NEK8: variants seen among roughly 807,000 people sequenced by gnomAD.
NEK8 encodes the protein serine/threonine-protein kinase Nek8.
NEK8 carries 51 observed loss-of-function variants against 77.2 expected under a neutral mutation model. The observed-to-expected ratio is 0.66, with a 90% CI of 0.53 to 0.83. NEK8 has a LOEUF of 0.83. Ranked by LOEUF, NEK8 falls within the 40% of genes least tolerant of loss-of-function variation. NEK8 has a pLI of 0.00. For missense variants in NEK8, 787 were observed against 909.2 expected (o/e 0.87, Z 1.73); for synonymous variants, 365 against 363.2 (o/e 1.00, Z -0.06).
In NEK8 at chr17:28,741,249, C is replaced by A; in HGVS notation, c.1891+13C>A. The stretch of plus-strand genomic sequence containing the variant: ...GCTATTGGGGCAGGTGAGGACTGAG[C>A]ATGGTGGGGGCAGACAGTGCCATGA... On this transcript the variant is annotated intron_variant, in intron 13 of 14. Transcript: ENST00000268766. The surrounding 1 kb of genome is among the most constrained non-coding windows in gnomAD (Gnocchi z 4.5). 2 of 1,598,518 alleles carry A rather than the reference C, an allele frequency of 1.3e-6. No individual in the cohort carries two copies. Among genetic ancestry groups the A allele is most frequent in the South Asian group, 1.1e-5 (1 of 88,912 alleles).
rs923318376 is a variant in NEK8 at position 28,737,034 on chromosome 17, T to C, written c.619-272T>C. Reference sequence around the variant, plus strand: ...ACCATTTATTAAATAGGGAATCCTTTCCCCATTTCTTGTTTTTCTCAGGTT... The same window carrying C: ...ACCATTTATTAAATAGGGAATCCTTCCCCCATTTCTTGTTTTTCTCAGGTT... On this transcript the variant is annotated intron_variant, in intron 4 of 14. Transcript: ENST00000268766. This position sits in a 1 kb window ranked among gnomAD's most constrained non-coding sequence, Gnocchi z 4.8. Among the ~76,000 whole-genome samples the C allele has an allele frequency of 2.1e-5, 3 of 140,808 alleles. No homozygotes were observed. Among genetic ancestry groups the C allele is most frequent in the Non-Finnish European group, 3.2e-5 (2 of 63,134 alleles). 92.4% of individuals were successfully genotyped at this position (140,808 alleles called of 152,430 possible).
Position 28,738,220 on chromosome 17 carries a change from G to A in NEK8, c.1197G>A (p.Gly399=), listed in dbSNP as rs750419550. The change falls in exon 8 of 15, where the codon GGG becomes GGA. Residue 399 remains glycine (G), a synonymous_variant. Transcript: ENST00000268766. ...SGVTIKHVAC[G]DFFTACLTDR... is the part of the protein sequence containing the mutation. ...TGACCATCAAGCACGTGGCCTGTGG[G>A]GACTTCTTCACTGCCTGCCTGACTG... is the stretch of plus-strand genomic sequence containing the variant. The A allele has an allele frequency of 4.3e-6, 7 of 1,614,038 alleles. No homozygotes were observed. The Admixed American group carries it at 8.3e-5, about 19-fold the overall frequency.
chr17:28,732,535 T>TTTTTC (rs1356288809), intron 1 of NEK8, among the ~76,000 whole-genome samples: 2 of 150,976 alleles, frequency 1.3e-5, no homozygotes, highest in African/African-American at 2.4e-5. Flanking sequence ...GCGATTTTCT[T>TTTTTC]TTTTCTTTTC....
chr17:28,741,458 G>C lies in NEK8; in HGVS notation c.1937G>C (p.Gly646Ala), dbSNP rs1364666372. 2 of 1,614,054 alleles carry C rather than the reference G, an allele frequency of 1.2e-6. No individual in the cohort carries two copies. The highest frequency in any genetic ancestry group is 1.7e-6 in the Non-Finnish European group (2 of 1,180,038). ...SWGKGARGRL[G>A]RRDEDAGLPR... Reference sequence around the variant, plus strand: ...GGCAAAGGGGCGCGAGGTCGATTGGGAAGGAGGGATGAGGATGCCGGACTC... The same window carrying C: ...GGCAAAGGGGCGCGAGGTCGATTGGCAAGGAGGGATGAGGATGCCGGACTC... The change falls in exon 14 of 15, where the codon GGA (glycine) becomes GCA (alanine). Residue 646 changes from glycine to alanine, a missense_variant. Gly to Ala is a moderately conservative substitution (Grantham distance 60). Transcript: ENST00000268766. The surrounding 1 kb of genome is among the most constrained non-coding windows in gnomAD (Gnocchi z 4.5).
Position 28,734,864 on chromosome 17 carries a change from C to G in NEK8, c.346C>G (p.Leu116Val), listed in dbSNP as rs1412304136. ...LHFFVQILLA[L>V]HHVHTHLILH... ...CTTCTTCGTGCAGATCCTGCTTGCA[C>G]TGCATCATGTGCACACCCACCTCAT... Residue 116 changes from leucine (L) to valine (V), a missense_variant, in exon 3 of 15, where the codon CTG becomes GTG. Coordinates refer to ENST00000268766, the MANE Select transcript of NEK8 (RefSeq NM_178170.3). 1.2e-6 allele frequency: 2 copies of G among 1,613,748 alleles called. No homozygotes were observed. Among genetic ancestry groups the G allele is most frequent in the Non-Finnish European group, 1.7e-6 (2 of 1,179,976 alleles).
chr17:28,728,914 C>G (rs2034277418), intron 1 of NEK8, 54 bp downstream of exon 1: 3 of 1,470,466 alleles, frequency 2.0e-6, no homozygotes, highest in Non-Finnish European at 2.8e-6. Context: ...AAATAAGCCC[C>G]AATTCCGCCC....
In NEK8 at chr17:28,741,602, C is replaced by A; in HGVS notation, c.2050+31C>A. The A allele has an allele frequency of 6.2e-7, 1 of 1,612,648 alleles. No homozygotes were observed. ...TTGTAACTTTTCCCACTTCACCACA[C>A]AGCCCAGCTGGCCCCTGTCCACACT... On this transcript the variant is annotated intron_variant, in intron 14 of 14. Coordinates refer to ENST00000268766, the MANE Select transcript of NEK8 (RefSeq NM_178170.3). The surrounding 1 kb of genome is among the most constrained non-coding windows in gnomAD (Gnocchi z 4.5).
At chr17:28,739,639 G>A (rs565575957) in intron 10 of NEK8, among the ~76,000 whole-genome samples, 144 of 152,258 alleles carry the variant, frequency 9.5e-4, no homozygotes, top group Non-Finnish European at 1.6e-3. Context: ...AGTAGAGACA[G>A]GGTTTCACCA....
intron 1 of NEK8, among the ~76,000 whole-genome samples, chr17:28,731,314 C>A (rs1210521671): frequency 6.6e-6 from 1 of 151,948 alleles, no homozygotes; most frequent in African/African-American, 2.4e-5. Flanking sequence ...CCGAGGCGGG[C>A]AGGTCACGAG....
In NEK8 at chr17:28,741,882, G is replaced by T. The variant is rs974607947; in HGVS notation, c.2051-77G>T. ...CAGGGTCCAGAATCCAGGGCCCAGT[G>T]GGAGTGGGAGGTGGGTGATGATTTC... On this transcript the variant is annotated intron_variant, in intron 14 of 14. Transcript: ENST00000268766. This position sits in a 1 kb window ranked among gnomAD's most constrained non-coding sequence, Gnocchi z 4.5. 2.0e-6 allele frequency: 3 copies of T among 1,464,794 alleles called. No homozygotes were observed. In the African/African-American group the frequency reaches 4.2e-5, roughly 20 times the overall value. The allele number at this position is 1,464,794 out of a possible 1,614,324, so 90.7% of individuals were successfully genotyped here.
chr17:28,731,509 C>G (rs755692396), intron 1 of NEK8, among the ~76,000 whole-genome samples: 1 of 151,882 alleles, frequency 6.6e-6, no homozygotes, highest in Non-Finnish European at 1.5e-5. Context: ...GCTCCACTCC[C>G]GCCTGGCAAC....
Position 28,742,095 on chromosome 17 carries a change from A to G in NEK8, c.*108A>G. 9.0e-7 allele frequency: 1 copy of G among 1,116,882 alleles called. No homozygotes were observed. Among genetic ancestry groups the G allele is most frequent in the Non-Finnish European group, 1.4e-6 (1 of 727,100 alleles). 69.2% of individuals were successfully genotyped at this position (1,116,882 alleles called of 1,614,324 possible). On this transcript the variant is annotated 3_prime_UTR_variant, in exon 15 of 15. Coordinates refer to ENST00000268766, the MANE Select transcript of NEK8 (RefSeq NM_178170.3). Reference sequence around the variant, plus strand: ...TTGCAGCTGTCTCCTGGATTGTGTCATCATGGGGTATCAGGGCTGGCAAAA... The same window carrying G: ...TTGCAGCTGTCTCCTGGATTGTGTCGTCATGGGGTATCAGGGCTGGCAAAA...
At position 28,741,074 on chromosome 17, in the gene NEK8, A is replaced by G. The variant is rs373660234; in HGVS notation, c.1733-4A>G. 11 of 1,614,032 alleles carry G rather than the reference A, an allele frequency of 6.8e-6. No individual in the cohort carries two copies. The highest frequency in any genetic ancestry group is 2.2e-5 in the East Asian group (1 of 44,896). ...AGCACCCCTTTCCTTCCTCTCCCCC[A>G]TAGCCTCGGGTGATTGCTACACTTT... is the stretch of plus-strand genomic sequence containing the variant. On this transcript the variant is annotated splice_region_variant and splice_polypyrimidine_tract_variant and intron_variant, in intron 12 of 14. Transcript: ENST00000268766. The surrounding 1 kb of genome is among the most constrained non-coding windows in gnomAD (Gnocchi z 4.5).
intron 4 of NEK8, among the ~76,000 whole-genome samples, chr17:28,736,886 G>A (rs1213327474): frequency 6.6e-6 from 1 of 152,210 alleles, no homozygotes; most frequent in African/African-American, 2.4e-5. Flanking sequence ...TATTCTTCTA[G>A]GGGTTTGATG....
At position 28,741,652 on chromosome 17, in the gene NEK8, C is replaced by T. The variant is rs1361846491; in HGVS notation, c.2050+81C>T. On this transcript the variant is annotated intron_variant, in intron 14 of 14. Transcript: ENST00000268766. The surrounding 1 kb of genome is among the most constrained non-coding windows in gnomAD (Gnocchi z 4.5). ...TCCCATCCCCAGTGTTCACAGATGG[C>T]CACATCACCAAAAGCATCTTTAGCC... 7.0e-7 allele frequency: 1 copy of T among 1,433,464 alleles called. No homozygotes were observed. The highest frequency in any genetic ancestry group is 9.8e-7 in the Non-Finnish European group (1 of 1,018,812). The allele number at this position is 1,433,464 out of a possible 1,614,324, so 88.8% of individuals were successfully genotyped here.
intron 1 of NEK8, among the ~76,000 whole-genome samples, chr17:28,729,953 G>C (rs1214025825): frequency 6.6e-6 from 1 of 152,158 alleles, no homozygotes; most frequent in African/African-American, 2.4e-5. Context: ...GTCTCACATG[G>C]GAAAACAGAG....
intron 10 of NEK8, among the ~76,000 whole-genome samples, chr17:28,739,406 T>G (rs1464511455): frequency 2.0e-5 from 3 of 152,204 alleles, no homozygotes; most frequent in Non-Finnish European, 4.4e-5. Context: ...GTGGCTTCCT[T>G]CAGGTGTTTA....
At chr17:28,736,291 G>C (rs996087603) in intron 4 of NEK8, among the ~76,000 whole-genome samples, 2 of 152,200 alleles carry the variant, frequency 1.3e-5, no homozygotes, top group Admixed American at 1.3e-4. Context: ...TATACACCCA[G>C]TAATGGGATG....
At chr17:28,729,639 T>C (rs2034287479) in intron 1 of NEK8, among the ~76,000 whole-genome samples, 1 of 149,332 alleles carries the variant, frequency 6.7e-6, no homozygotes, top group African/African-American at 2.5e-5. Flanking sequence ...GCCTCCCTGG[T>C]TCAAGCGCTT....
Sources: allele counts gnomAD v4.1 joint callset (sites outside exome capture counted in the v4.1 genomes callset), GRCh38; gene constraint gnomAD v4.1.1; non-coding constraint Gnocchi (gnomAD v3.1); transcripts MANE v1.5; gene names NCBI Gene and HGNC (gene_info 2026-07-23, HGNC 2026-07-21).